The following ARHGAP6 variants were observed in gnomAD, a reference collection of about 807,000 sequenced individuals.
The protein encoded by ARHGAP6 is rho GTPase-activating protein 6.
A neutral mutation model predicts 55.7 loss-of-function variants in ARHGAP6; 16 were observed. That is an observed-to-expected ratio of 0.29 (90% CI 0.19 to 0.44). ARHGAP6 has a LOEUF of 0.44. Ranked by LOEUF, ARHGAP6 falls within the 20% of genes least tolerant of loss-of-function variation. The pLI, the probability that ARHGAP6 is intolerant of heterozygous loss-of-function variation, is 1.00. For synonymous variants in ARHGAP6, 382 were observed against 360.9 expected (o/e 1.06, Z -0.66); for missense variants, 698 against 808.9 (o/e 0.86, Z 1.66).
In ARHGAP6 at chrX:11,385,053, G is replaced by A. The variant is rs756508770; in HGVS notation, c.589-130346C>T. 3.6e-5 allele frequency among the ~76,000 whole-genome samples: 4 copies of A among 111,796 alleles called. No homozygotes were observed. In the South Asian group the frequency reaches 1.5e-3, roughly 42 times the overall value. On this transcript the variant is annotated intron_variant, in intron 1 of 12. Transcript: ENST00000337414. ...CATGATTCACCAGACTACAAGAAAA[G>A]GTTGAAGCTTAGAAATTCTTACTAC...
intron 1 of ARHGAP6, among the ~76,000 whole-genome samples, chrX:11,562,460 A>G (rs1174348233): frequency 8.9e-6 from 1 of 111,888 alleles, no homozygotes; most frequent in Non-Finnish European, 1.9e-5. Context: ...CACAATGCTT[A>G]GAGTCAACAA....
At chrX:11,576,081 A>C (rs1166955230) in intron 1 of ARHGAP6, among the ~76,000 whole-genome samples, 1 of 112,007 alleles carries the variant, frequency 8.9e-6, no homozygotes, top group African/African-American at 3.2e-5. Context: ...GGAACAAAAT[A>C]AACTTTCCAT....
intron 1 of ARHGAP6, among the ~76,000 whole-genome samples, chrX:11,522,924 C>G (rs932971172): frequency 7.2e-5 from 8 of 110,649 alleles, no homozygotes; most frequent in Non-Finnish European, 1.3e-4. Flanking sequence ...CGGGCAGAGA[C>G]ACAACAAAAA....
At chrX:11,519,925 G>A (rs12216944) in intron 1 of ARHGAP6, among the ~76,000 whole-genome samples, 1,662 of 96,452 alleles carry the variant, frequency 0.017, 25 homozygotes, top group Middle Eastern at 0.05. Flanking sequence ...ACATAGGCGT[G>A]GGCAAGGACT....
chrX:11,503,120 G>T (rs965275302), intron 1 of ARHGAP6, among the ~76,000 whole-genome samples: 6 of 110,545 alleles, frequency 5.4e-5, no homozygotes, highest in African/African-American at 2.0e-4. Context: ...GGTGTTGAAC[G>T]CCTGACCTCA....
rs1230177957 is a variant in ARHGAP6 at position 11,664,725 on chromosome X, G to A, written c.104C>T (p.Thr35Ile). 3 of 1,192,258 alleles carry A rather than the reference G, an allele frequency of 2.5e-6. No individual in the cohort carries two copies. The highest frequency in any genetic ancestry group is 3.5e-5 in the African/African-American group (2 of 57,603). Residue 35 changes from threonine to isoleucine, a missense_variant, in exon 1 of 13, where the codon ACC becomes ATC. Thr to Ile is a moderately conservative substitution (Grantham distance 89). This residue lies in a region of ARHGAP6 where 164 missense variants were observed against 149.2 expected (regional missense o/e 1.10). Transcript: ENST00000337414. ...KGFSKRKLRQ[T>I]RSLDPALIGG... ...GATCAGGGCCGGGTCCAGGCTGCGG[G>A]TCTGGCGCAGCTTCCTCTTGGAGAA...
chrX:11,511,415 C>T (rs755457083), intron 1 of ARHGAP6, among the ~76,000 whole-genome samples: 116 of 112,382 alleles, frequency 1.0e-3, no homozygotes, highest in Non-Finnish European at 1.7e-3. Context: ...AATGGGTGTA[C>T]GAGAGTTTCT....
rs753619494 is a variant in ARHGAP6 at position 11,178,238 on chromosome X, C to T, written c.1491G>A (p.Pro497=). ...TAFINTLLLE[P]EEQLGTLQLL... ...GCTGCAAGGTGCCCAGCTGTTCCTCCGGCTCCAACACTAAGCAAGGCAAAA... is the reference window on the plus strand; with the variant it reads ...GCTGCAAGGTGCCCAGCTGTTCCTCTGGCTCCAACACTAAGCAAGGCAAAA... The change falls in exon 8 of 13, where the codon CCG becomes CCA. Residue 497 remains proline, a synonymous_variant. Coordinates refer to ENST00000337414, the MANE Select transcript of ARHGAP6 (RefSeq NM_013427.3). 35 of 1,203,078 alleles carry T rather than the reference C, an allele frequency of 2.9e-5. No homozygotes were observed. Among genetic ancestry groups the T allele is most frequent in the Admixed American group, 4.5e-5 (2 of 44,887 alleles).
At chrX:11,353,863 A>G (rs886380769) in intron 1 of ARHGAP6, among the ~76,000 whole-genome samples, 1 of 110,943 alleles carries the variant, frequency 9.0e-6, no homozygotes, top group African/African-American at 3.3e-5. Flanking sequence ...ATATTCTAGA[A>G]AAGTCACTGC....
In ARHGAP6 at chrX:11,618,566, T is replaced by C. The variant is rs756876659; in HGVS notation, c.588+45675A>G. On this transcript the variant is annotated intron_variant, in intron 1 of 12. Transcript: ENST00000337414. ...TAAAACTGCTTTACCCAGTGAATCA[T>C]TGTAGATTGTACCGAGCTCATGCAT... 9.8e-5 allele frequency among the ~76,000 whole-genome samples: 11 copies of C among 112,358 alleles called. No homozygotes were observed. In the South Asian group the frequency reaches 1.9e-3, roughly 19 times the overall value.
intron 1 of ARHGAP6, among the ~76,000 whole-genome samples, chrX:11,535,329 A>G (rs756570113): frequency 5.4e-5 from 6 of 112,042 alleles, no homozygotes; most frequent in African/African-American, 1.9e-4. Flanking sequence ...ATTTATATGG[A>G]GACAGCCATA....
rs775097913 is a variant in ARHGAP6, at chrX:11,462,983, G to A, written c.588+201258C>T. Among the ~76,000 whole-genome samples the A allele has an allele frequency of 3.6e-5, 4 of 112,519 alleles. No individual in the cohort carries two copies. The East Asian group carries it at 1.1e-3, about 32-fold the overall frequency. On this transcript the variant is annotated intron_variant, in intron 1 of 12. Transcript: ENST00000337414. ...TCCTCTTGCAGTCTGCCCCATGGCTGAGAAATGCAGTCTGTCCCAGCCAGA... is the reference window on the plus strand; with the variant it reads ...TCCTCTTGCAGTCTGCCCCATGGCTAAGAAATGCAGTCTGTCCCAGCCAGA...
intron 1 of ARHGAP6, among the ~76,000 whole-genome samples, chrX:11,297,750 T>G (rs2048110420): frequency 8.9e-6 from 1 of 112,374 alleles, no homozygotes; most frequent in South Asian, 3.7e-4. Context: ...GATCAGTCAA[T>G]CTGTGTTTCT....
chrX:11,324,723 T>C (rs1278009308), intron 1 of ARHGAP6, among the ~76,000 whole-genome samples: 1 of 112,220 alleles, frequency 8.9e-6, no homozygotes, highest in African/African-American at 3.2e-5. Context: ...GCGGGTATCA[T>C]TGATCAAAAA....
intron 1 of ARHGAP6, among the ~76,000 whole-genome samples, chrX:11,362,297 C>G (rs1416297135): frequency 3.6e-5 from 4 of 111,503 alleles, no homozygotes; most frequent in African/African-American, 1.3e-4. Flanking sequence ...AAATGTGGCA[C>G]ATATACACCA....
intron 1 of ARHGAP6, among the ~76,000 whole-genome samples, chrX:11,427,279 TCCAG>T (rs2049891389): frequency 9.0e-6 from 1 of 111,725 alleles, no homozygotes; most frequent in Non-Finnish European, 1.9e-5. Context: ...GGTGGCGGAG[TCCAG>T]CCCCGTCCCA....
intron 2 of ARHGAP6, among the ~76,000 whole-genome samples, chrX:11,213,362 A>G (rs1189540744): frequency 6.2e-5 from 7 of 112,357 alleles, no homozygotes; most frequent in Non-Finnish European, 1.3e-4. Flanking sequence ...TCTCCCCAGC[A>G]TATGTCACTC....
At chrX:11,214,781 G>A (rs2046855472) in intron 2 of ARHGAP6, among the ~76,000 whole-genome samples, 1 of 113,371 alleles carries the variant, frequency 8.8e-6, no homozygotes, top group African/African-American at 3.2e-5. Context: ...CTGCTCTCAA[G>A]AGAACCGAGG....
intron 1 of ARHGAP6, among the ~76,000 whole-genome samples, chrX:11,576,358 A>C (rs1014095631): frequency 5.3e-4 from 60 of 112,197 alleles, no homozygotes; most frequent in Non-Finnish European, 9.4e-4. Flanking sequence ...GGTTCACATT[A>C]GATGCCTTAT....
Sources: gnomAD v4.1 joint callset for allele counts (sites outside exome capture counted in the v4.1 genomes callset) on GRCh38, gnomAD v4.1.1 for gene constraint, gnomAD v4.1.1 regional missense constraint, MANE v1.5 for transcripts, NCBI Gene and HGNC (gene_info 2026-07-23, HGNC 2026-07-21) for gene names.